The following CKAP5 variants were observed in gnomAD, a reference collection of about 807,000 sequenced individuals.
The protein encoded by CKAP5 is cytoskeleton associated protein 5, also known as cytoskeleton-associated protein 5.
Under a neutral mutation model 232.8 loss-of-function variants are expected in CKAP5, and 27 were observed. That is an observed-to-expected ratio of 0.12 (90% confidence interval 0.09 to 0.16). CKAP5 has a LOEUF of 0.16. Among genes scored for constraint, CKAP5 ranks in the 10% least tolerant of loss-of-function variants. The pLI is 1.00. For synonymous variants in CKAP5, 785 were observed against 841.1 expected (o/e 0.93, Z 1.16); for missense variants, 1,838 against 2,424.7 (o/e 0.76, Z 5.08).
chr11:46,793,854 G>A (rs552878099), intron 13 of CKAP5, among the ~76,000 whole-genome samples: 1 of 152,134 alleles, frequency 6.6e-6, no homozygotes, highest in African/African-American at 2.4e-5. Context: ...TTGAACCTAG[G>A]GGGTGGAGGT....
chr11:46,752,980 A>C (rs2065081465), intron 37 of CKAP5: 1 of 427,200 alleles, frequency 2.3e-6, no homozygotes, highest in Admixed American at 4.1e-5. Flanking sequence ...TGAAATGTAC[A>C]AGAAAAATGT....
intron 3 of CKAP5, 73 bp downstream of exon 3, chr11:46,818,237 G>A: frequency 1.7e-6 from 2 of 1,184,476 alleles, no homozygotes; most frequent in Non-Finnish European, 2.3e-6. Flanking sequence ...ACTAAGGACA[G>A]TGATCTACAA....
At chr11:46,769,919 C>T in intron 26 of CKAP5, 44 bp downstream of exon 26, 1 of 1,605,972 alleles carries the variant, frequency 6.2e-7, no homozygotes, top group South Asian at 1.1e-5. Context: ...TAGAGTTCCT[C>T]AGGGCTATTT....
intron 8 of CKAP5, chr11:46,802,400 C>T (rs149315898): frequency 6.6e-6 from 1 of 152,128 alleles, no homozygotes; most frequent in Non-Finnish European, 1.5e-5. Context: ...TATAATAATA[C>T]AGGCAGTGTG....
At position 46,784,615 on chromosome 11, in the gene CKAP5, T is replaced by C; in HGVS notation, c.2027A>G (p.Lys676Arg). The C allele has an allele frequency of 6.2e-7, 1 of 1,614,158 alleles. No homozygotes were observed. Among genetic ancestry groups the C allele is most frequent in the South Asian group, 1.1e-5 (1 of 91,076 alleles). The change falls in exon 17 of 44, where the codon AAA becomes AGA. Residue 676 changes from lysine to arginine, a missense_variant. Physicochemically the swap from Lys to Arg is conservative, Grantham distance 26. This residue lies in a region of CKAP5 where 767 missense variants were observed against 954.6 expected (regional missense o/e 0.80). Transcript: ENST00000529230. ...ATCTAATACAACCTGAGCTGACGTT[T>C]TGGAAAAATTTCCCTTCTGGGCAAT... ...ALIAQKGNFS[K>R]TSAQVVLDGL...
chr11:46,836,433 T>C (rs577349396), intron 1 of CKAP5, among the ~76,000 whole-genome samples: 23 of 152,300 alleles, frequency 1.5e-4, no homozygotes, highest in African/African-American at 5.5e-4. Context: ...GAACACTAGG[T>C]CAGGCACAGT....
At position 46,777,786 on chromosome 11, in the gene CKAP5, T is replaced by C. The variant is rs190775112; in HGVS notation, c.2749-234A>G. 1.3e-3 allele frequency among the ~76,000 whole-genome samples: 201 copies of C among 152,346 alleles called. 1 individual carries two copies. The highest frequency in any genetic ancestry group is 1.4e-3 in the Non-Finnish European group (95 of 68,026). On this transcript the variant is annotated intron_variant, in intron 22 of 43. Coordinates refer to ENST00000529230, the MANE Select transcript of CKAP5 (RefSeq NM_001008938.4). ...TATCAGAATTTTAGACCAGAGATCA[T>C]AGTACTTTACAACTTTAAGGTAAAA...
chr11:46,808,289 C>T lies in CKAP5; in HGVS notation c.865-145G>A, dbSNP rs565625670. ...GGGCGCAGTGGCTCACGCCTGTAATCCCAGCACTTTGGGAGGCCGAGGAGG... is the reference window on the plus strand; with the variant it reads ...GGGCGCAGTGGCTCACGCCTGTAATTCCAGCACTTTGGGAGGCCGAGGAGG... On this transcript the variant is annotated intron_variant, in intron 7 of 43. Coordinates refer to ENST00000529230, the MANE Select transcript of CKAP5 (RefSeq NM_001008938.4). 9.2e-6 allele frequency: 5 copies of T among 546,210 alleles called. 1 individual carries two copies. The highest frequency in any genetic ancestry group is 2.5e-5 in the South Asian group (1 of 40,628). The allele number at this position is 546,210 out of a possible 1,614,324, so 33.8% of individuals were successfully genotyped here.
At chr11:46,753,237 G>A (rs1298103423) in intron 37 of CKAP5, 73 bp downstream of exon 37, 9 of 1,231,950 alleles carry the variant, frequency 7.3e-6, no homozygotes, top group East Asian at 2.5e-5. Context: ...GTTGACTTAC[G>A]GACATTATGG....
chr11:46,816,227 G>A lies in CKAP5; in HGVS notation c.429C>T (p.Ala143=), dbSNP rs778231733. The change falls in exon 4 of 44, where the codon GCC becomes GCT. Residue 143 remains alanine, a synonymous_variant. Transcript: ENST00000529230. The part of the protein sequence containing the change: ...LDNKNPKIIV[A]CIETLRKALS... ...AGGCTTTCCTCAGTGTCTCTATACA[G>A]GCCACTATGATCTTGGGATTCTTAT... The A allele has an allele frequency of 6.2e-7, 1 of 1,613,964 alleles. No homozygotes were observed. Among genetic ancestry groups the A allele is most frequent in the African/African-American group, 1.3e-5 (1 of 75,012 alleles).
intron 33 of CKAP5, among the ~76,000 whole-genome samples, chr11:46,760,146 G>A (rs1354812987): frequency 6.6e-6 from 1 of 152,162 alleles, no homozygotes; most frequent in African/African-American, 2.4e-5. Flanking sequence ...GCACAACCAA[G>A]TATAACACAA....
At chr11:46,798,053 T>G (rs1316358397) in intron 10 of CKAP5, 30 bp downstream of exon 10, 1 of 1,608,580 alleles carries the variant, frequency 6.2e-7, no homozygotes, top group Non-Finnish European at 8.5e-7. Flanking sequence ...TTACTTCAGA[T>G]AAAACTACAA....
chr11:46,757,963 C>G (rs906592581), intron 35 of CKAP5, among the ~76,000 whole-genome samples: 1 of 150,974 alleles, frequency 6.6e-6, no homozygotes, highest in Non-Finnish European at 1.5e-5. Context: ...TCACAGCTCA[C>G]TGCAGCCTCA....
At chr11:46,756,890 G>T (rs1592436040) in intron 35 of CKAP5, among the ~76,000 whole-genome samples, 1 of 151,630 alleles carries the variant, frequency 6.6e-6, no homozygotes, top group East Asian at 2.0e-4. Flanking sequence ...GGAGTAGCTG[G>T]GATTACAGGC....
rs1156472710 is a variant in CKAP5, at chr11:46,752,193, TACAC to T, written c.5133+438_5133+441del. ...ATATATATATATATATATATATATA[TACAC>T]ACACACACACACACACACACACACA... On this transcript the variant is annotated intron_variant, in intron 38 of 43. Coordinates refer to ENST00000529230, the MANE Select transcript of CKAP5 (RefSeq NM_001008938.4). Among the ~76,000 whole-genome samples the T allele has an allele frequency of 5.8e-3, 387 of 66,182 alleles. 3 individuals are homozygous for T. Among genetic ancestry groups the T allele is most frequent in the African/African-American group, 0.019 (367 of 19,250 alleles). 43.4% of individuals were successfully genotyped at this position (66,182 alleles called of 152,430 possible).
At chr11:46,805,167 G>A (rs1939126204) in intron 8 of CKAP5, among the ~76,000 whole-genome samples, 1 of 152,184 alleles carries the variant, frequency 6.6e-6, no homozygotes, top group Non-Finnish European at 1.5e-5. Flanking sequence ...CTCGGGAGAT[G>A]GAGGTTGCAG....
At chr11:46,827,086 G>A (rs942023666) in intron 1 of CKAP5, among the ~76,000 whole-genome samples, 1 of 152,152 alleles carries the variant, frequency 6.6e-6, no homozygotes, top group African/African-American at 2.4e-5. Context: ...CAGTTGGGTG[G>A]ACCTCTTTTT....
chr11:46,811,826 C>T (rs1939280969), intron 4 of CKAP5, among the ~76,000 whole-genome samples: 1 of 152,120 alleles, frequency 6.6e-6, no homozygotes, highest in African/African-American at 2.4e-5. Flanking sequence ...CAAATATAAA[C>T]TAGTTTATAA....
At chr11:46,833,030 G>A (rs984161257) in intron 1 of CKAP5, among the ~76,000 whole-genome samples, 3 of 152,024 alleles carry the variant, frequency 2.0e-5, no homozygotes, top group African/African-American at 7.3e-5. Flanking sequence ...TTGTCAGATA[G>A]TGTGAGGCTA....
Sources: allele counts gnomAD v4.1 joint callset (sites outside exome capture counted in the v4.1 genomes callset), GRCh38; gene constraint gnomAD v4.1.1; regional missense constraint gnomAD v4.1.1; transcripts MANE v1.5; gene names NCBI Gene and HGNC (gene_info 2026-07-23, HGNC 2026-07-21).